Variants in KDM1B observed in about 807,000 individuals in gnomAD.
The protein encoded by KDM1B is lysine demethylase 1B, also known as lysine-specific histone demethylase 2.
Under a neutral mutation model 107.4 loss-of-function variants are expected in KDM1B, and 63 were observed. The ratio of observed to expected loss-of-function variants is 0.59; its 90% confidence interval spans 0.48 to 0.72. KDM1B has a LOEUF of 0.72. Among genes scored for constraint, KDM1B ranks in the 30% least tolerant of loss-of-function variants. The probability of loss-of-function intolerance (pLI) is 0.00; values close to 1 mark genes in which losing one functional copy is unlikely to be tolerated. For synonymous variants in KDM1B, 363 were observed against 363.9 expected (o/e 1.00, Z 0.03); for missense variants, 749 against 1,020.8 (o/e 0.73, Z 3.63).
chr6:18,194,523 CCTT>C (rs1305290512), intron 10 of KDM1B, among the ~76,000 whole-genome samples: 10 of 152,260 alleles, frequency 6.6e-5, no homozygotes, highest in African/African-American at 1.7e-4. Flanking sequence ...CCTGTTGTCT[CCTT>C]CTTTTTCCCC....
chr6:18,190,436 C>CA (rs59766756), intron 9 of KDM1B, among the ~76,000 whole-genome samples: 11,097 of 107,326 alleles, frequency 0.1, 554 homozygotes, highest in South Asian at 0.22. Context: ...ACTAAAAATA[C>CA]AAAAAAAAAA....
chr6:18,200,818 G>A lies in KDM1B; in HGVS notation c.1359+242G>A, dbSNP rs1787983886. 6.6e-6 allele frequency among the ~76,000 whole-genome samples: 1 copy of A among 151,946 alleles called. No homozygotes were observed. The highest frequency in any genetic ancestry group is 2.1e-4 in the South Asian group (1 of 4,822). On this transcript the variant is annotated intron_variant, in intron 13 of 21. Coordinates refer to ENST00000650836, the MANE Select transcript of KDM1B (RefSeq NM_001364614.2). This position sits in a 1 kb window ranked among gnomAD's most constrained non-coding sequence, Gnocchi z 4.3. Reference sequence around the variant, plus strand: ...TTCCTTGTTCTTTGCAGGCCACTTGGTTATCTCATAATTTTAGAGTTGCCA... The same window carrying A: ...TTCCTTGTTCTTTGCAGGCCACTTGATTATCTCATAATTTTAGAGTTGCCA...
intron 9 of KDM1B, among the ~76,000 whole-genome samples, chr6:18,189,799 A>G (rs1165779406): frequency 6.6e-6 from 1 of 152,142 alleles, no homozygotes; most frequent in Non-Finnish European, 1.5e-5. Flanking sequence ...GGGGTTAGTG[A>G]TTGTTATTTA....
chr6:18,216,932 T>C (rs1261675068), intron 20 of KDM1B, among the ~76,000 whole-genome samples: 2 of 152,228 alleles, frequency 1.3e-5, no homozygotes, highest in African/African-American at 4.8e-5. Flanking sequence ...TCATGGAACA[T>C]ATTCCTGGCG....
At chr6:18,194,856 T>C (rs1424494105) in intron 10 of KDM1B, among the ~76,000 whole-genome samples, 1 of 152,136 alleles carries the variant, frequency 6.6e-6, no homozygotes, top group Non-Finnish European at 1.5e-5. Flanking sequence ...TAAATACATA[T>C]ATAATGTATA....
chr6:18,192,345 C>T (rs1214353340), intron 10 of KDM1B, among the ~76,000 whole-genome samples: 1 of 152,164 alleles, frequency 6.6e-6, no homozygotes, highest in Non-Finnish European at 1.5e-5. Context: ...TTGCTGAATT[C>T]AGAACATTGT....
chr6:18,201,683 G>A lies in KDM1B; in HGVS notation c.1531+26G>A, dbSNP rs537373358. ...GTATGGGGAGAACGGTGTTCTGATT[G>A]TTCCATCTCAGTTTCGTTGTTACCT... is the stretch of plus-strand genomic sequence containing the variant. On this transcript the variant is annotated intron_variant, in intron 14 of 21. Transcript: ENST00000650836. This position sits in a 1 kb window ranked among gnomAD's most constrained non-coding sequence, Gnocchi z 4.3. 1.6e-5 allele frequency: 24 copies of A among 1,515,048 alleles called. No homozygotes were observed. In the Admixed American group the frequency reaches 5.6e-4, roughly 35 times the overall value. 93.9% of individuals were successfully genotyped at this position (1,515,048 alleles called of 1,614,324 possible).
intron 5 of KDM1B, 88 bp downstream of exon 5, chr6:18,163,012 C>G (rs762637389): frequency 5.5e-5 from 43 of 787,304 alleles, no homozygotes; most frequent in Non-Finnish European, 8.8e-5. Flanking sequence ...AGCTTAGTCT[C>G]GAGGCTTACT....
chr6:18,170,881 T>C (rs1259572853), intron 6 of KDM1B, among the ~76,000 whole-genome samples: 1 of 151,380 alleles, frequency 6.6e-6, no homozygotes, highest in Non-Finnish European at 1.5e-5. Flanking sequence ...AGTGTAGTGG[T>C]GCGATCTCGG....
chr6:18,161,207 C>G, intron 3 of KDM1B, 120 bp from the exon 4 acceptor site: 1 of 809,596 alleles, frequency 1.2e-6, no homozygotes, highest in Non-Finnish European at 2.0e-6. Flanking sequence ...CCCTAACCTA[C>G]TGCCATGATG....
chr6:18,179,892 C>T (rs1200473518), intron 7 of KDM1B, among the ~76,000 whole-genome samples: 1 of 109,872 alleles, frequency 9.1e-6, no homozygotes, highest in Non-Finnish European at 1.7e-5. Context: ...AAGGCAGGGT[C>T]TCACTCTGTC....
At position 18,191,379 on chromosome 6, in the gene KDM1B, A is replaced by C; in HGVS notation, c.967A>C (p.Lys323Gln). The change falls in exon 10 of 22, where the codon AAA (lysine) becomes CAA (glutamine). Residue 323 changes from lysine (K) to glutamine (Q), a missense_variant and splice_region_variant. Physicochemically the swap from Lys to Gln is moderately conservative, Grantham distance 53 (BLOSUM62 1). Coordinates refer to ENST00000650836, the MANE Select transcript of KDM1B (RefSeq NM_001364614.2). This position sits in a 1 kb window ranked among gnomAD's most constrained non-coding sequence, Gnocchi z 5.1. ...LILALWYTNC[K>Q]EALTPQKCIP... ...CCTCGCACTGTGGTATACTAACTGC[A>C]AAGTAAGTAAGGGCATGTTAGCCAA... 1 of 1,550,576 alleles carries C rather than the reference A, an allele frequency of 6.4e-7. No homozygotes were observed. Among genetic ancestry groups the C allele is most frequent in the Non-Finnish European group, 8.7e-7 (1 of 1,146,696 alleles).
intron 20 of KDM1B, among the ~76,000 whole-genome samples, chr6:18,215,354 T>C (rs1355097195): frequency 6.6e-6 from 1 of 152,194 alleles, no homozygotes; most frequent in Non-Finnish European, 1.5e-5. Context: ...CAGAAACTTA[T>C]TCCTCACAGT....
At chr6:18,157,119 A>G (rs148254712) in intron 2 of KDM1B, among the ~76,000 whole-genome samples, 21 of 152,310 alleles carry the variant, frequency 1.4e-4, no homozygotes, top group Non-Finnish European at 1.8e-4. Flanking sequence ...CATGAAACCA[A>G]TTGGTTATAT....
intron 21 of KDM1B, among the ~76,000 whole-genome samples, chr6:18,221,198 C>G (rs895542388): frequency 6.6e-6 from 1 of 152,122 alleles, no homozygotes; most frequent in Non-Finnish European, 1.5e-5. Context: ...TAGGTGACTA[C>G]ACTTCACTTC....
Position 18,185,775 on chromosome 6 carries a change from G to A in KDM1B, c.538G>A (p.Glu180Lys), listed in dbSNP as rs747539162. Residue 180 changes from glutamate to lysine, a missense_variant, in exon 8 of 22, where the codon GAG becomes AAG. Transcript: ENST00000650836. ...GMKPNTAIKP[E>K]TSDHCSLPED... ...AACACTTGGTTTTCTTTTGTAGCCT[G>A]AGACCTCAGATCATTGTTCCCTCCC... is the stretch of plus-strand genomic sequence containing the variant. 1.9e-6 allele frequency: 3 copies of A among 1,613,814 alleles called. No homozygotes were observed. The African/African-American group carries it at 4.0e-5, about 22-fold the overall frequency.
chr6:18,215,116 T>A lies in KDM1B; in HGVS notation c.2219T>A (p.Leu740Gln). Residue 740 changes from leucine (L) to glutamine (Q), a missense_variant, in exon 20 of 22, where the codon CTG becomes CAG. Transcript: ENST00000650836. Reference sequence around the variant, plus strand: ...CAGTGCATGGCCACGCTCCGGGAGCTGTTCAAGGAGCAGGTGAGAGAGAGG... The same window carrying A: ...CAGTGCATGGCCACGCTCCGGGAGCAGTTCAAGGAGCAGGTGAGAGAGAGG... ...LQQCMATLRE[L>Q]FKEQEVPDPT... 6.2e-7 allele frequency: 1 copy of A among 1,612,618 alleles called. No individual in the cohort carries two copies. Among genetic ancestry groups the A allele is most frequent in the South Asian group, 1.1e-5 (1 of 91,062 alleles).
In KDM1B at chr6:18,201,823, A is replaced by G. The variant is rs1788053033; in HGVS notation, c.1531+166A>G. Among the ~76,000 whole-genome samples, 1 of 152,158 alleles carries G rather than the reference A, an allele frequency of 6.6e-6. No individual in the cohort carries two copies. The highest frequency in any genetic ancestry group is 2.1e-4 in the South Asian group (1 of 4,834). On this transcript the variant is annotated intron_variant, in intron 14 of 21. Coordinates refer to ENST00000650836, the MANE Select transcript of KDM1B (RefSeq NM_001364614.2). The surrounding 1 kb of genome is among the most constrained non-coding windows in gnomAD (Gnocchi z 4.3). Reference sequence around the variant, plus strand: ...TTCTCCAAGTTCTCAGGGGAGGAGAACTTTTTGTAGGGAGGCTTAGATGCT... The same window carrying G: ...TTCTCCAAGTTCTCAGGGGAGGAGAGCTTTTTGTAGGGAGGCTTAGATGCT...
chr6:18,201,511 G>A lies in KDM1B; in HGVS notation c.1385G>A (p.Gly462Glu), dbSNP rs1358239393. ...CTTGGCATCAGCATGCATAAATTTG[G>A]AGAAAGATGTGACTTAATTCAGGAA... ...EQLGISMHKF[G>E]ERCDLIQEGG... The change falls in exon 14 of 22, where the codon GGA (glycine) becomes GAA (glutamate). Residue 462 changes from glycine (G) to glutamate (E), a missense_variant. Transcript: ENST00000650836. The surrounding 1 kb of genome is among the most constrained non-coding windows in gnomAD (Gnocchi z 4.3). The A allele has an allele frequency of 6.5e-7, 1 of 1,549,192 alleles. No homozygotes were observed. Among genetic ancestry groups the A allele is most frequent in the Admixed American group, 2.0e-5 (1 of 50,628 alleles).
Sources: allele counts gnomAD v4.1 joint callset (sites outside exome capture counted in the v4.1 genomes callset), GRCh38; gene constraint gnomAD v4.1.1; non-coding constraint Gnocchi (gnomAD v3.1); transcripts MANE v1.5; gene names NCBI Gene and HGNC (gene_info 2026-07-23, HGNC 2026-07-21).